Variants in SORCS1 observed in about 807,000 individuals in gnomAD.
SORCS1 encodes sortilin related VPS10 domain containing receptor 1.
SORCS1 carries 60 observed loss-of-function variants against 146.1 expected under a neutral mutation model. The observed-to-expected ratio is 0.41, with a 90% CI of 0.33 to 0.51. The LOEUF (loss-of-function observed/expected upper bound fraction) is 0.51. SORCS1 is among the 20% of genes least tolerant of loss of function. The pLI, the probability that SORCS1 is intolerant of heterozygous loss-of-function variation, is 0.21. For missense variants in SORCS1, 1,352 were observed against 1,487.6 expected, an observed-to-expected ratio of 0.91 and a Z score of 1.50; for synonymous variants, 637 against 584.0, an observed-to-expected ratio of 1.09 and a Z score of -1.31.
At chr10:106,792,167 A>G (rs1336836574) in intron 3 of SORCS1, among the ~76,000 whole-genome samples, 1 of 152,250 alleles carries the variant, frequency 6.6e-6, no homozygotes, top group Non-Finnish European at 1.5e-5. Context: ...ACACATAGAC[A>G]TGGGTGATCC....
chr10:106,631,118 C>T (rs1460467312), intron 18 of SORCS1, among the ~76,000 whole-genome samples: 4 of 152,136 alleles, frequency 2.6e-5, no homozygotes, highest in Non-Finnish European at 4.4e-5. Flanking sequence ...AAGATTAATT[C>T]ACAGGGAAAA....
intron 4 of SORCS1, among the ~76,000 whole-genome samples, chr10:106,764,324 A>G (rs907423878): frequency 2.6e-5 from 4 of 152,242 alleles, no homozygotes; most frequent in African/African-American, 9.6e-5. Context: ...CTGCCATTCA[A>G]GTTAACGTGT....
chr10:106,949,115 A>T (rs1030918823), intron 2 of SORCS1, among the ~76,000 whole-genome samples: 1 of 152,208 alleles, frequency 6.6e-6, no homozygotes, highest in Admixed American at 6.5e-5. Flanking sequence ...ACGCTTGACT[A>T]GCTCCCTTAG....
intron 4 of SORCS1, among the ~76,000 whole-genome samples, chr10:106,765,309 C>T (rs1214836016): frequency 6.6e-6 from 1 of 152,048 alleles, no homozygotes; most frequent in African/African-American, 2.4e-5. Flanking sequence ...TCCACACTGT[C>T]ATTATGCTAC....
chr10:107,124,160 T>C (rs1425773082), intron 1 of SORCS1, among the ~76,000 whole-genome samples: 2 of 151,984 alleles, frequency 1.3e-5, no homozygotes, highest in African/African-American at 4.8e-5. Context: ...AAATAATATA[T>C]GAAAACTTTT....
At chr10:106,922,895 T>C (rs1952784317) in intron 2 of SORCS1, among the ~76,000 whole-genome samples, 1 of 150,004 alleles carries the variant, frequency 6.7e-6, no homozygotes, top group South Asian at 2.1e-4. Flanking sequence ...CCTTTTCTTT[T>C]TTTTTTTTTT....
intron 9 of SORCS1, among the ~76,000 whole-genome samples, chr10:106,689,618 A>T (rs138504319): frequency 6.6e-6 from 1 of 152,282 alleles, no homozygotes; most frequent in Non-Finnish European, 1.5e-5. Flanking sequence ...ACCTCGCCAA[A>T]CGCCAAGCAC....
intron 16 of SORCS1, among the ~76,000 whole-genome samples, chr10:106,670,089 T>C (rs1389662469): frequency 6.6e-6 from 1 of 152,232 alleles, no homozygotes; most frequent in Non-Finnish European, 1.5e-5. Context: ...TATGTACATA[T>C]TTAGCGATTG....
At chr10:106,854,294 C>A (rs779121110) in intron 2 of SORCS1, among the ~76,000 whole-genome samples, 6 of 152,034 alleles carry the variant, frequency 3.9e-5, no homozygotes, top group Non-Finnish European at 2.9e-5. Context: ...TTAGTGTTAG[C>A]ATGGTATATC....
chr10:106,826,959 G>A (rs1342022715), intron 3 of SORCS1, among the ~76,000 whole-genome samples: 3 of 152,128 alleles, frequency 2.0e-5, no homozygotes, highest in Non-Finnish European at 2.9e-5. Context: ...CCTTTTAAAC[G>A]TCCTTCAGAT....
chr10:107,019,150 T>A (rs1476016458), intron 1 of SORCS1, among the ~76,000 whole-genome samples: 1 of 152,218 alleles, frequency 6.6e-6, no homozygotes, highest in African/African-American at 2.4e-5. Flanking sequence ...TGCAGACTAG[T>A]GGGTAAACTG....
intron 3 of SORCS1, among the ~76,000 whole-genome samples, chr10:106,821,821 C>T (rs1948042664): frequency 6.6e-6 from 1 of 151,906 alleles, no homozygotes; most frequent in Admixed American, 6.6e-5. Flanking sequence ...ACTCGGGAGT[C>T]TCAGGCAGGA....
chr10:107,001,948 T>C (rs1315754282), intron 1 of SORCS1, among the ~76,000 whole-genome samples: 1 of 152,234 alleles, frequency 6.6e-6, no homozygotes, highest in African/African-American at 2.4e-5. Flanking sequence ...CTTTTCTTTC[T>C]TCATATATTT....
At chr10:107,172,081 T>G in the SORCS1 span, among the ~76,000 whole-genome samples, 17 of 152,350 alleles carry the variant, frequency 1.1e-4, no homozygotes, top group East Asian at 2.7e-3. Flanking sequence ...ATCAGTTCAT[T>G]GTTAAACTGG....
chr10:106,672,335 A>C (rs997841977), intron 15 of SORCS1, among the ~76,000 whole-genome samples: 1 of 152,216 alleles, frequency 6.6e-6, no homozygotes, highest in Admixed American at 6.5e-5. Context: ...GTGAGAGGCC[A>C]GGACAAATGA....
chr10:106,642,700 A>G (rs957618331), intron 18 of SORCS1, among the ~76,000 whole-genome samples: 7 of 151,532 alleles, frequency 4.6e-5, no homozygotes, highest in African/African-American at 1.7e-4. Context: ...CTGCATTCAT[A>G]TCCTATGTTT....
At chr10:106,703,333 C>T (rs1023220722) in intron 8 of SORCS1, among the ~76,000 whole-genome samples, 22 of 152,224 alleles carry the variant, frequency 1.4e-4, no homozygotes, top group Admixed American at 1.3e-3. Flanking sequence ...TCTTCCACCA[C>T]GGAGACAACT....
intron 3 of SORCS1, among the ~76,000 whole-genome samples, chr10:106,794,205 AC>A (rs1274055102): frequency 4.5e-4 from 68 of 152,284 alleles, no homozygotes; most frequent in Admixed American, 1.2e-3. Context: ...GCCATACTCT[AC>A]AACAACTCTA....
chr10:106,991,587 G>A (rs1956773714), intron 1 of SORCS1, among the ~76,000 whole-genome samples: 1 of 152,184 alleles, frequency 6.6e-6, no homozygotes, highest in Non-Finnish European at 1.5e-5. Flanking sequence ...TTGAAACAGA[G>A]TCAACAGAAC....
Sources: allele counts gnomAD v4.1 joint callset (sites outside exome capture counted in the v4.1 genomes callset), GRCh38; gene constraint gnomAD v4.1.1; transcripts MANE v1.5; gene names NCBI Gene and HGNC (gene_info 2026-07-23, HGNC 2026-07-21).